Variants in GAPVD1 observed in about 807,000 individuals in gnomAD.
The protein encoded by GAPVD1 is GTPase activating protein and VPS9 domains 1.
In GAPVD1, 35 loss-of-function variants were observed where a neutral mutation model predicts 155.5. That is an observed-to-expected ratio of 0.23 (90% CI 0.17 to 0.30). The LOEUF (loss-of-function observed/expected upper bound fraction) is 0.30. Among genes scored for constraint, GAPVD1 ranks in the 10% least tolerant of loss-of-function variants. The pLI, the probability that GAPVD1 is intolerant of heterozygous loss-of-function variation, is 1.00. For synonymous variants in GAPVD1, 636 were observed against 619.7 expected, an observed-to-expected ratio of 1.03 and a Z score of -0.39; for missense variants, 1,429 against 1,775.7, an observed-to-expected ratio of 0.80 and a Z score of 3.51.
chr9:125,301,961 CTCTT>C lies in GAPVD1; in HGVS notation c.186-20_186-17del. ...TTAATACTATTATTTTGCTTGTTTGCTCTTTTTTTTTTTTTTTTTAGTGCTGAAG... is the reference window on the plus strand; with the variant it reads ...TTAATACTATTATTTTGCTTGTTTGCTTTTTTTTTTTTTTTAGTGCTGAAG... On this transcript the variant is annotated intron_variant, in intron 4 of 27. Coordinates refer to ENST00000297933, the MANE Select transcript of GAPVD1 (RefSeq NM_001282680.3). 7.8e-7 allele frequency: 1 copy of C among 1,280,690 alleles called. No individual in the cohort carries two copies. The highest frequency in any genetic ancestry group is 1.1e-6 in the Non-Finnish European group (1 of 922,176). The allele number at this position is 1,280,690 out of a possible 1,614,324, so 79.3% of individuals were successfully genotyped here. A position where few individuals can be genotyped will look rare whatever the true frequency, so the allele number is the denominator to read the frequency against.
chr9:125,341,053 C>G (rs1006327436), intron 17 of GAPVD1, 124 bp from the exon 18 acceptor site: 1 of 681,804 alleles, frequency 1.5e-6, no homozygotes, highest in South Asian at 1.5e-5. Context: ...CTACTGCACT[C>G]CAGCCTGGGC....
At chr9:125,344,372 T>C (rs1848239410) in intron 19 of GAPVD1, among the ~76,000 whole-genome samples, 1 of 152,244 alleles carries the variant, frequency 6.6e-6, no homozygotes, top group South Asian at 2.1e-4. Flanking sequence ...AGTTGGGTTT[T>C]ATATCATTTT....
At chr9:125,352,150 C>T (rs927101472) in intron 23 of GAPVD1, among the ~76,000 whole-genome samples, 6 of 152,160 alleles carry the variant, frequency 3.9e-5, no homozygotes, top group African/African-American at 7.2e-5. Context: ...TCTAGGTGCA[C>T]GGTGCAAACT....
intron 4 of GAPVD1, among the ~76,000 whole-genome samples, chr9:125,300,019 A>C (rs1202887086): frequency 6.9e-4 from 2 of 2,880 alleles, no homozygotes; most frequent in Non-Finnish European, 1.9e-3. Flanking sequence ...ACTCTGTCTC[A>C]AAAGAAAAAA....
chr9:125,348,137 C>T (rs1327771609), intron 20 of GAPVD1, among the ~76,000 whole-genome samples: 1 of 152,058 alleles, frequency 6.6e-6, no homozygotes, highest in Non-Finnish European at 1.5e-5. Context: ...CTGCTGCAGC[C>T]TCAACCTTCC....
chr9:125,342,606 CT>C (rs1222381064), intron 19 of GAPVD1, among the ~76,000 whole-genome samples: 1 of 152,144 alleles, frequency 6.6e-6, no homozygotes, highest in African/African-American at 2.4e-5. Context: ...CACACAGTGC[CT>C]TTTAGGAAAG....
chr9:125,293,888 A>T (rs867785139), intron 2 of GAPVD1, among the ~76,000 whole-genome samples: 1,211 of 104,970 alleles, frequency 0.012, 73 homozygotes, highest in Non-Finnish European at 0.016. Flanking sequence ...ATATATATAT[A>T]TATATATATA....
At chr9:125,325,250 G>A (rs1302345211) in intron 11 of GAPVD1, among the ~76,000 whole-genome samples, 3 of 149,974 alleles carry the variant, frequency 2.0e-5, no homozygotes, top group East Asian at 2.0e-4. Context: ...GGCCGGGTGC[G>A]GTGGCTCATA....
chr9:125,275,422 G>A (rs1230100325), intron 2 of GAPVD1, among the ~76,000 whole-genome samples: 1 of 152,166 alleles, frequency 6.6e-6, no homozygotes, highest in South Asian at 2.1e-4. Flanking sequence ...TGGTTTGAGT[G>A]TACCATTACT....
At chr9:125,342,806 G>A (rs1848001522) in intron 19 of GAPVD1, among the ~76,000 whole-genome samples, 1 of 152,186 alleles carries the variant, frequency 6.6e-6, no homozygotes, top group Non-Finnish European at 1.5e-5. Context: ...TGTTCAAACA[G>A]TATCATAAAT....
chr9:125,359,237 C>T (rs1477544911), intron 25 of GAPVD1, among the ~76,000 whole-genome samples, 183 bp from the exon 26 acceptor site: 1 of 152,174 alleles, frequency 6.6e-6, no homozygotes, highest in East Asian at 1.9e-4. Context: ...GCTCACTCAG[C>T]ATTTCTGAGC....
chr9:125,313,399 A>T (rs1197132530), intron 9 of GAPVD1, among the ~76,000 whole-genome samples: 1 of 146,140 alleles, frequency 6.8e-6, no homozygotes, highest in Non-Finnish European at 1.5e-5. Flanking sequence ...TGCCTCCCGG[A>T]TTCACACTGT....
chr9:125,285,424 C>T lies in GAPVD1; in HGVS notation c.-149-10034C>T, dbSNP rs191870905. Among the ~76,000 whole-genome samples the T allele has an allele frequency of 1.6e-3, 239 of 149,848 alleles. 1 individual carries two copies. Among genetic ancestry groups the T allele is most frequent in the Non-Finnish European group, 2.6e-3 (176 of 67,714 alleles). ...AACTTCTCAAAATCTGATTAATATG[C>T]ATGGGCATAATCTATTTCTTTTTTC... On this transcript the variant is annotated intron_variant, in intron 2 of 27. Transcript: ENST00000297933.
chr9:125,334,765 G>A (rs1196425051), intron 15 of GAPVD1, among the ~76,000 whole-genome samples: 2 of 150,680 alleles, frequency 1.3e-5, no homozygotes, highest in South Asian at 2.1e-4. Context: ...AAATTAGCCA[G>A]GTGTGGTGGC....
chr9:125,304,034 T>C (rs1841389525), intron 5 of GAPVD1: 1 of 152,152 alleles, frequency 6.6e-6, no homozygotes, highest in African/African-American at 2.4e-5. Flanking sequence ...CACAAAATTT[T>C]TGACATGAAA....
intron 11 of GAPVD1, among the ~76,000 whole-genome samples, chr9:125,325,704 T>C (rs1221641104): frequency 6.6e-6 from 1 of 152,118 alleles, no homozygotes; most frequent in African/African-American, 2.4e-5. Context: ...TTGAAAAAAG[T>C]AATGCTGTAT....
Position 125,302,503 on chromosome 9 carries a change from G to C in GAPVD1, c.706G>C (p.Gly236Arg). The C allele has an allele frequency of 6.2e-7, 1 of 1,613,830 alleles. No homozygotes were observed. Among genetic ancestry groups the C allele is most frequent in the Non-Finnish European group, 8.5e-7 (1 of 1,179,976 alleles). Residue 236 changes from glycine (G) to arginine (R), a missense_variant, in exon 5 of 28, where the codon GGA becomes CGA. Gly to Arg is a moderately radical substitution (Grantham distance 125). Around this residue, in one of 4 missense-constraint regions of GAPVD1, gnomAD observed 628 missense variants for 733.4 expected, o/e 0.86. Coordinates refer to ENST00000297933, the MANE Select transcript of GAPVD1 (RefSeq NM_001282680.3). The part of the protein sequence containing the change: ...FSPSQQEKLF[G>R]EKGSDRFRQK... ...TCCATCTCAGCAGGAAAAACTCTTT[G>C]GAGAGAAGGGCTCAGATAGATTCAG...
chr9:125,328,603 T>C (rs930658832), intron 12 of GAPVD1, among the ~76,000 whole-genome samples: 3 of 149,534 alleles, frequency 2.0e-5, no homozygotes, highest in Non-Finnish European at 3.0e-5. Context: ...TCTACTTCTT[T>C]CTACACAGAC....
rs187854650 is a variant in GAPVD1 at position 125,301,642 on chromosome 9, G to A, written c.186-341G>A. Among the ~76,000 whole-genome samples the A allele has an allele frequency of 2.8e-3, 432 of 151,858 alleles. 2 individuals carry two copies. Among genetic ancestry groups the A allele is most frequent in the African/African-American group, 0.01 (415 of 41,432 alleles). On this transcript the variant is annotated intron_variant, in intron 4 of 27. Transcript: ENST00000297933. ...TTTTGTATTTTTAGAAGAAATGGGA[G>A]TTTCGCCGTGTTGGCCAGGCTGGTC...
Sources: gnomAD v4.1 joint callset for allele counts (sites outside exome capture counted in the v4.1 genomes callset) on GRCh38, gnomAD v4.1.1 for gene constraint, gnomAD v4.1.1 regional missense constraint, MANE v1.5 for transcripts, NCBI Gene and HGNC (gene_info 2026-07-23, HGNC 2026-07-21) for gene names.